GTF3C1: variants seen among roughly 807,000 people sequenced by gnomAD.
The protein encoded by GTF3C1 is general transcription factor IIIC subunit 1.
Under a neutral mutation model 226.7 loss-of-function variants are expected in GTF3C1, and 57 were observed. The observed-to-expected ratio is 0.25, with a 90% CI of 0.20 to 0.31. The LOEUF (loss-of-function observed/expected upper bound fraction) is 0.31. Ranked by LOEUF, GTF3C1 falls within the 10% of genes least tolerant of loss-of-function variation. The pLI is 1.00. For synonymous variants in GTF3C1, 1,090 were observed against 1,084.8 expected (o/e 1.00, Z -0.09); for missense variants, 2,217 against 2,776.1 (o/e 0.80, Z 4.53).
At chr16:27,479,640 T>C (rs1426654504) in intron 27 of GTF3C1, among the ~76,000 whole-genome samples, 1 of 152,182 alleles carries the variant, frequency 6.6e-6, no homozygotes, top group African/African-American at 2.4e-5. Context: ...AGCTAATTTT[T>C]GTATTTTTAG....
At position 27,507,193 on chromosome 16, in the gene GTF3C1, AG is replaced by A; in HGVS notation, c.1243-38del. The A allele has an allele frequency of 6.9e-7, 1 of 1,456,578 alleles. No homozygotes were observed. The highest frequency in any genetic ancestry group is 2.3e-5 in the East Asian group (1 of 43,734). The allele number at this position is 1,456,578 out of a possible 1,614,324, so 90.2% of individuals were successfully genotyped here. The stretch of plus-strand genomic sequence containing the variant: ...AAGATGTGTTTATCCCACTGCAAAG[AG>A]GGCGTCATACCCACAGGGGTTCAGG... On this transcript the variant is annotated intron_variant, in intron 8 of 36. Transcript: ENST00000356183. The surrounding 1 kb of genome is among the most constrained non-coding windows in gnomAD (Gnocchi z 4.9).
In GTF3C1 at chr16:27,471,618, T is replaced by A. The variant is rs879864742; in HGVS notation, c.4526+130A>T. On this transcript the variant is annotated intron_variant, in intron 30 of 36. Transcript: ENST00000356183. The surrounding 1 kb of genome is among the most constrained non-coding windows in gnomAD (Gnocchi z 5.0). ...GGGCTGCAGGAAACCCAAGCCGGCA[T>A]CTTGCACATGAGGCTGCGAAGGTCC... is the stretch of plus-strand genomic sequence containing the variant. 1 of 713,550 alleles carries A rather than the reference T, an allele frequency of 1.4e-6. No homozygotes were observed. The highest frequency in any genetic ancestry group is 1.8e-5 in the African/African-American group (1 of 56,846). The allele number at this position is 713,550 out of a possible 1,614,324, so 44.2% of individuals were successfully genotyped here.
intron 9 of GTF3C1, 125 bp from the exon 10 acceptor site, chr16:27,506,241 AG>A (rs2088483100): frequency 1.6e-6 from 1 of 610,534 alleles, no homozygotes; most frequent in South Asian, 2.0e-5. Flanking sequence ...AGGTGAGGGA[AG>A]TGGACCAGCA....
In GTF3C1 at chr16:27,476,992, T is replaced by C. The variant is rs1429185869; in HGVS notation, c.4260-448A>G. ...CAGAGTTTAAATCCTTTCCTCAACC[T>C]ACCTTAAGGCTTGGCCAGTGATATT... is the stretch of plus-strand genomic sequence containing the variant. On this transcript the variant is annotated intron_variant, in intron 28 of 36. Coordinates refer to ENST00000356183, the MANE Select transcript of GTF3C1 (RefSeq NM_001520.4). Among the ~76,000 whole-genome samples, 4 of 152,226 alleles carry C rather than the reference T, an allele frequency of 2.6e-5. No homozygotes were observed. In the East Asian group the frequency reaches 7.7e-4, roughly 29 times the overall value.
In GTF3C1 at chr16:27,461,612, G is replaced by GT; in HGVS notation, c.6118-51dup. 7.3e-7 allele frequency: 1 copy of GT among 1,363,356 alleles called. No homozygotes were observed. 84.5% of individuals were successfully genotyped at this position (1,363,356 alleles called of 1,614,324 possible). A position where few individuals can be genotyped will look rare whatever the true frequency, so the allele number is the denominator to read the frequency against. On this transcript the variant is annotated intron_variant, in intron 36 of 36. Coordinates refer to ENST00000356183, the MANE Select transcript of GTF3C1 (RefSeq NM_001520.4). This position sits in a 1 kb window ranked among gnomAD's most constrained non-coding sequence, Gnocchi z 5.3. ...ACAGCGGCACTGCCCTCGCCTGCTT[G>GT]TTGATTTATTCTTCAAGCATTTATG... is the stretch of plus-strand genomic sequence containing the variant.
intron 6 of GTF3C1, among the ~76,000 whole-genome samples, chr16:27,526,359 C>T (rs2088834485): frequency 6.6e-6 from 1 of 152,234 alleles, no homozygotes; most frequent in African/African-American, 2.4e-5. Context: ...ACAGAGCCCT[C>T]ATTTTTGGCA....
intron 27 of GTF3C1, among the ~76,000 whole-genome samples, chr16:27,479,191 C>T (rs2088000955): frequency 6.6e-6 from 1 of 152,106 alleles, no homozygotes; most frequent in African/African-American, 2.4e-5. Context: ...TCAATGAACA[C>T]ATATATTAAA....
At chr16:27,547,426 A>G (rs1257925506) in intron 1 of GTF3C1, among the ~76,000 whole-genome samples, 2 of 151,228 alleles carry the variant, frequency 1.3e-5, no homozygotes, top group Non-Finnish European at 2.9e-5. Flanking sequence ...CAAAGTCCCC[A>G]CCTCCCCCAG....
chr16:27,535,148 T>C (rs1011422500), intron 4 of GTF3C1, among the ~76,000 whole-genome samples: 2 of 152,172 alleles, frequency 1.3e-5, no homozygotes, highest in African/African-American at 4.8e-5. Context: ...TAAACAAACA[T>C]GAAGATGCAG....
At chr16:27,549,631 G>GGCCCCCCCCCCCC in intron 1 of GTF3C1, 39 bp downstream of exon 1, 7 of 691,924 alleles carry the variant, frequency 1.0e-5, no homozygotes, top group Admixed American at 2.5e-5. Flanking sequence ...CGGGCCCTGC[G>GGCCCCCCCCCCCC]CCCGCCCGCC....
intron 21 of GTF3C1, 63 bp downstream of exon 21, chr16:27,488,980 G>A: frequency 6.8e-7 from 1 of 1,474,464 alleles, no homozygotes. Context: ...GTCAGGCAGG[G>A]AGGGACAGGA....
chr16:27,529,019 A>T (rs2141439153), intron 5 of GTF3C1, among the ~76,000 whole-genome samples: 1 of 152,298 alleles, frequency 6.6e-6, no homozygotes, highest in African/African-American at 2.4e-5. Flanking sequence ...TGAAGACTTC[A>T]TCTGATACCT....
At chr16:27,537,952 A>AT in intron 3 of GTF3C1, 25 bp from the exon 4 acceptor site, 1 of 1,610,180 alleles carries the variant, frequency 6.2e-7, no homozygotes. Context: ...GAGCCATGTC[A>AT]TTTGCTTTGC....
intron 7 of GTF3C1, 130 bp from the exon 8 acceptor site, chr16:27,508,785 A>G (rs1452922238): frequency 4.5e-6 from 3 of 664,884 alleles, no homozygotes; most frequent in Non-Finnish European, 7.9e-6. Flanking sequence ...AACATACGCC[A>G]TTTCTCTCCC....
In GTF3C1 at chr16:27,494,890, G is replaced by A; in HGVS notation, c.2651C>T (p.Ser884Leu). Residue 884 changes from serine (S) to leucine (L), a missense_variant, in exon 16 of 37, where the codon TCG becomes TTG. This residue lies in a region of GTF3C1 where 353 missense variants were observed against 411.7 expected (regional missense o/e 0.86). Coordinates refer to ENST00000356183, the MANE Select transcript of GTF3C1 (RefSeq NM_001520.4). ...ATETVYVDDA[S>L]WMRYIPPIPV... is the part of the protein sequence containing the mutation. The stretch of plus-strand genomic sequence containing the variant: ...GATTGGGGGGATGTAGCGCATCCAC[G>A]AGGCATCGTCGACATACACTAGGAA... 1 of 1,613,644 alleles carries A rather than the reference G, an allele frequency of 6.2e-7. No homozygotes were observed.
intron 24 of GTF3C1, among the ~76,000 whole-genome samples, chr16:27,484,697 T>G (rs889673777): frequency 6.6e-6 from 1 of 152,244 alleles, no homozygotes; most frequent in African/African-American, 2.4e-5. Flanking sequence ...TAGTTAGAGG[T>G]CTTAGTGTCC....
Position 27,483,118 on chromosome 16 carries a change from G to A in GTF3C1, c.4009C>T (p.Leu1337=). The stretch of plus-strand genomic sequence containing the variant: ...GCTTTATCCTGGTACACCTCGGCCA[G>A]GCACACTCTGCAGGAAGAGGAGACA... ...PQAYLNYKVC[L]AEVYQDKALV... is the part of the protein sequence containing the mutation. The change falls in exon 26 of 37, where the codon CTG becomes TTG. Residue 1337 remains leucine, a synonymous_variant. Transcript: ENST00000356183. 6.2e-7 allele frequency: 1 copy of A among 1,614,170 alleles called. No homozygotes were observed. The highest frequency in any genetic ancestry group is 8.5e-7 in the Non-Finnish European group (1 of 1,179,996).
intron 19 of GTF3C1, among the ~76,000 whole-genome samples, chr16:27,491,318 C>T (rs984207094): frequency 6.6e-6 from 1 of 152,110 alleles, no homozygotes; most frequent in South Asian, 2.1e-4. Flanking sequence ...GTAGAGGTGG[C>T]AGGAAAAGGC....
At chr16:27,535,785 T>C (rs2078993142) in intron 4 of GTF3C1, among the ~76,000 whole-genome samples, 1 of 151,626 alleles carries the variant, frequency 6.6e-6, no homozygotes, top group African/African-American at 2.4e-5. Context: ...GAGGCAGAGG[T>C]TGTGGTGAGC....
Sources: gnomAD v4.1 joint callset for allele counts (sites outside exome capture counted in the v4.1 genomes callset) on GRCh38, gnomAD v4.1.1 for gene constraint, gnomAD v4.1.1 regional missense constraint, Gnocchi (gnomAD v3.1) non-coding constraint, MANE v1.5 for transcripts, NCBI Gene and HGNC (gene_info 2026-07-23, HGNC 2026-07-21) for gene names.